SOCS7: variants seen among roughly 807,000 people sequenced by gnomAD.
SOCS7 encodes NAP-4.
Under a neutral mutation model 58.9 loss-of-function variants are expected in SOCS7, and 18 were observed. The observed-to-expected ratio is 0.31, with a 90% confidence interval of 0.21 to 0.45. The LOEUF (loss-of-function observed/expected upper bound fraction) is 0.45, where lower values mean the gene tolerates loss of function less well. SOCS7 is among the 20% of genes least tolerant of loss of function. The probability of loss-of-function intolerance (pLI) is 1.00; values close to 1 mark genes in which losing one functional copy is unlikely to be tolerated. For synonymous variants in SOCS7, 388 were observed against 364.3 expected, an observed-to-expected ratio of 1.06 and a Z score of -0.74; for missense variants, 667 against 837.3, an observed-to-expected ratio of 0.80 and a Z score of 2.51.
chr17:38,395,569 A>G, intron 8 of SOCS7, 125 bp downstream of exon 8: 1 of 1,031,832 alleles, frequency 9.7e-7, no homozygotes, highest in Non-Finnish European at 1.4e-6. Context: ...TGCAGATGTC[A>G]TTCTTACACA....
At chr17:38,387,363 C>T (rs1245017688) in intron 7 of SOCS7, among the ~76,000 whole-genome samples, 1 of 145,764 alleles carries the variant, frequency 6.9e-6, no homozygotes, top group East Asian at 2.0e-4. Context: ...AGGAGAATCA[C>T]TTGAACCTGG....
rs910942690 is a variant in SOCS7, at chr17:38,366,242, G to C, written c.1253-45G>C. On this transcript the variant is annotated intron_variant, in intron 4 of 9. Coordinates refer to ENST00000612932, the MANE Select transcript of SOCS7 (RefSeq NM_014598.4). The stretch of plus-strand genomic sequence containing the variant: ...TGGGGGAGGGTCTATTTGTGGTTGG[G>C]AGCAGTGAGGGTAAACAAGTGACCA... 3 of 1,602,824 alleles carry C rather than the reference G, an allele frequency of 1.9e-6. No homozygotes were observed. The African/African-American group carries it at 4.0e-5, about 21-fold the overall frequency.
intron 6 of SOCS7, chr17:38,376,015 C>T (rs1231367204): frequency 6.6e-6 from 1 of 151,988 alleles, no homozygotes; most frequent in Non-Finnish European, 1.5e-5. Flanking sequence ...GACGGGATTT[C>T]TCCATGTTGG....
chr17:38,352,553 C>G lies in SOCS7; in HGVS notation c.501C>G (p.Ala167=). The part of the protein sequence containing the change: ...QPQPPAAAPQ[A]GEDPTETSDA... ...AGCCGCCTGCTGCCGCCCCGCAGGC[C>G]GGGGAGGACCCCACGGAAACGAGCG... Residue 167 remains alanine (A), a synonymous_variant, in exon 1 of 10, where the codon GCC becomes GCG. Transcript: ENST00000612932. This position sits in a 1 kb window ranked among gnomAD's most constrained non-coding sequence, Gnocchi z 5.5. 1 of 1,549,390 alleles carries G rather than the reference C, an allele frequency of 6.5e-7. No homozygotes were observed. Among genetic ancestry groups the G allele is most frequent in the Non-Finnish European group, 8.7e-7 (1 of 1,146,506 alleles).
chr17:38,394,492 T>A (rs548922189), intron 7 of SOCS7, among the ~76,000 whole-genome samples: 14 of 152,108 alleles, frequency 9.2e-5, no homozygotes, highest in Admixed American at 9.2e-4. Flanking sequence ...CCAGCCTCCC[T>A]GCTGAACCAG....
At chr17:38,377,603 C>T (rs532380042) in intron 6 of SOCS7, 111 bp from the exon 7 acceptor site, 6 of 940,738 alleles carry the variant, frequency 6.4e-6, no homozygotes, top group Middle Eastern at 3.1e-4. Context: ...AGCCAGCTTG[C>T]CCCCAAACTG....
rs188114029 is a variant in SOCS7 at position 38,367,067 on chromosome 17, T to C, written c.1383+650T>C. On this transcript the variant is annotated intron_variant, in intron 5 of 9. Coordinates refer to ENST00000612932, the MANE Select transcript of SOCS7 (RefSeq NM_014598.4). ...TCTTTGTTTTTTGTTGTTGTTGTTGTCTTGTTTTGTTTTTGAGACTGAGTT... is the reference window on the plus strand; with the variant it reads ...TCTTTGTTTTTTGTTGTTGTTGTTGCCTTGTTTTGTTTTTGAGACTGAGTT... 7.9e-5 allele frequency among the ~76,000 whole-genome samples: 12 copies of C among 152,286 alleles called. 1 individual carries two copies. The highest frequency in any genetic ancestry group is 4.1e-4 in the South Asian group (2 of 4,824).
chr17:38,361,573 TG>T, intron 1 of SOCS7, 137 bp from the exon 2 acceptor site: 1 of 731,566 alleles, frequency 1.4e-6, no homozygotes, highest in East Asian at 2.5e-5. Context: ...TATTTTATGC[TG>T]TATTACAAGA....
At position 38,358,799 on chromosome 17, in the gene SOCS7, T is replaced by G. The variant is rs372695780; in HGVS notation, c.981-2912T>G. Among the ~76,000 whole-genome samples the G allele has an allele frequency of 6.6e-5, 10 of 152,180 alleles. No homozygotes were observed. The East Asian group carries it at 1.2e-3, about 18-fold the overall frequency. On this transcript the variant is annotated intron_variant, in intron 1 of 9. Transcript: ENST00000612932. ...GCATCCAGCCATGAGGCCCCCTTAT[T>G]TGCCAGGAAAAACCATTCTGGCACT... is the stretch of plus-strand genomic sequence containing the variant.
At chr17:38,396,093 A>G (rs1475432913) in intron 9 of SOCS7, 95 bp downstream of exon 9, 1 of 1,035,192 alleles carries the variant, frequency 9.7e-7, no homozygotes, top group South Asian at 1.8e-5. Context: ...AACTCCCAAC[A>G]TGGATAGCCC....
intron 7 of SOCS7, among the ~76,000 whole-genome samples, chr17:38,381,964 A>C (rs932131476): frequency 3.3e-5 from 5 of 149,766 alleles, no homozygotes; most frequent in Non-Finnish European, 5.9e-5. Context: ...AAAAAAAAAA[A>C]AAAAAAAAAA....
At chr17:38,386,053 G>T (rs547376986) in intron 7 of SOCS7, among the ~76,000 whole-genome samples, 1 of 152,020 alleles carries the variant, frequency 6.6e-6, no homozygotes, top group South Asian at 2.1e-4. Context: ...GGCCAGGCGC[G>T]GTGGCTCAGG....
intron 1 of SOCS7, among the ~76,000 whole-genome samples, chr17:38,355,408 C>T (rs2037624265): frequency 1.3e-5 from 2 of 152,154 alleles, no homozygotes; most frequent in Non-Finnish European, 2.9e-5. Flanking sequence ...GTGAGCTTTT[C>T]GACAGCTTAC....
chr17:38,365,960 C>T, intron 4 of SOCS7: 1 of 1,082,756 alleles, frequency 9.2e-7, no homozygotes, highest in Non-Finnish European at 1.1e-6. Context: ...GCCTTATCGG[C>T]ACTTCACTTC....
chr17:38,381,373 G>A (rs1372898056), intron 7 of SOCS7, among the ~76,000 whole-genome samples: 1 of 152,050 alleles, frequency 6.6e-6, no homozygotes, highest in Non-Finnish European at 1.5e-5. Context: ...GAAGAGGTAG[G>A]TATTAGCATT....
intron 7 of SOCS7, among the ~76,000 whole-genome samples, chr17:38,379,216 C>T (rs2037970924): frequency 6.7e-6 from 1 of 149,234 alleles, no homozygotes; most frequent in African/African-American, 2.5e-5. Context: ...TGGTGGCTCA[C>T]ACCTGTAATT....
Position 38,400,676 on chromosome 17 carries a change from G to A in SOCS7, c.*1194G>A, listed in dbSNP as rs1422904230. On this transcript the variant is annotated 3_prime_UTR_variant, in exon 10 of 10. Transcript: ENST00000612932. ...GTAGCAAGGGCTTCTGTATTTTCTT[G>A]TGTTCATTCTAGCAACCCAGACATT... 1 of 152,186 alleles carries A rather than the reference G, an allele frequency of 6.6e-6. No homozygotes were observed. The highest frequency in any genetic ancestry group is 1.5e-5 in the Non-Finnish European group (1 of 68,030). 9.4% of individuals were successfully genotyped at this position (152,186 alleles called of 1,614,324 possible). A position where few individuals can be genotyped will look rare whatever the true frequency, so the allele number is the denominator to read the frequency against.
intron 4 of SOCS7, 198 bp from the exon 5 acceptor site, chr17:38,366,089 T>C: frequency 8.0e-7 from 1 of 1,251,712 alleles, no homozygotes; most frequent in Non-Finnish European, 1.0e-6. Flanking sequence ...CACCCATCCT[T>C]CACAGCTTAC....
At chr17:38,381,222 C>G (rs1476024544) in intron 7 of SOCS7, among the ~76,000 whole-genome samples, 1 of 152,070 alleles carries the variant, frequency 6.6e-6, no homozygotes, top group East Asian at 1.9e-4. Context: ...GAGCTATTGC[C>G]CCTCGACCCT....
Sources: gnomAD v4.1 joint callset for allele counts (sites outside exome capture counted in the v4.1 genomes callset) on GRCh38, gnomAD v4.1.1 for gene constraint, Gnocchi (gnomAD v3.1) non-coding constraint, MANE v1.5 for transcripts, NCBI Gene and HGNC (gene_info 2026-07-23, HGNC 2026-07-21) for gene names.